SRGN: variants seen among roughly 807,000 people sequenced by gnomAD.
SRGN encodes the protein serglycin.
A neutral mutation model predicts 9.5 loss-of-function variants in SRGN; 2 were observed. The ratio of observed to expected loss-of-function variants is 0.21; its 90% confidence interval spans 0.09 to 0.66. The LOEUF is 0.66. Ranked by LOEUF, SRGN falls within the 30% of genes least tolerant of loss-of-function variation. SRGN has a pLI of 0.83. For missense variants in SRGN, 170 were observed against 192.4 expected, an observed-to-expected ratio of 0.88 and a Z score of 0.69; for synonymous variants, 59 against 72.3, an observed-to-expected ratio of 0.82 and a Z score of 0.93.
At chr10:69,099,309 G>GT (rs59142650) in intron 2 of SRGN, among the ~76,000 whole-genome samples, 74,471 of 138,854 alleles carry the variant, frequency 0.54, 20,969 homozygotes, top group Middle Eastern at 0.72. Context: ...TTTCTCTTTT[G>GT]TTTTTTTTTT....
intron 2 of SRGN, among the ~76,000 whole-genome samples, chr10:69,103,465 C>T (rs979576141): frequency 6.6e-6 from 1 of 152,002 alleles, no homozygotes; most frequent in African/African-American, 2.4e-5. Context: ...ATCACTTGAA[C>T]CTGGGAGGTG....
At chr10:69,099,535 A>G (rs2805914) in intron 2 of SRGN, among the ~76,000 whole-genome samples, 130,002 of 151,776 alleles carry the variant, frequency 0.86, 55,966 homozygotes, top group Non-Finnish European at 0.89. Context: ...GTACTCCTAA[A>G]CTCAAGCAGT....
upstream of SRGN, among the ~76,000 whole-genome samples, chr10:69,087,695 G>T (rs996836058): frequency 1.3e-5 from 2 of 152,096 alleles, no homozygotes; most frequent in African/African-American, 4.8e-5. Flanking sequence ...AAAATGAAGA[G>T]AATGTTTTAT....
intron 1 of SRGN, among the ~76,000 whole-genome samples, chr10:69,091,911 AAAAGAAAAG>A (rs1840069082): frequency 8.5e-6 from 1 of 117,854 alleles, no homozygotes; most frequent in African/African-American, 2.8e-5. Flanking sequence ...AAAAAAAAGA[AAAAGAAAAG>A]AAAAGAAAAA....
intron 1 of SRGN, among the ~76,000 whole-genome samples, chr10:69,088,537 C>T (rs1445160774): frequency 6.6e-6 from 1 of 152,084 alleles, no homozygotes; most frequent in East Asian, 1.9e-4. Context: ...TAGAAAATGA[C>T]TCCTGTGCCT....
At chr10:69,090,260 C>T (rs1227935089) in intron 1 of SRGN, among the ~76,000 whole-genome samples, 1 of 152,152 alleles carries the variant, frequency 6.6e-6, no homozygotes, top group Non-Finnish European at 1.5e-5. Context: ...CAACATTCTT[C>T]CTGTCTTATA....
intron 1 of SRGN, among the ~76,000 whole-genome samples, chr10:69,093,670 G>A (rs1190711808): frequency 1.2e-4 from 19 of 152,168 alleles, no homozygotes; most frequent in Admixed American, 1.2e-3. Flanking sequence ...GAGGTCAGGA[G>A]ATCGAGACCT....
At chr10:69,093,606 G>A (rs995538747) in intron 1 of SRGN, among the ~76,000 whole-genome samples, 11 of 152,190 alleles carry the variant, frequency 7.2e-5, no homozygotes, top group African/African-American at 2.7e-4. Flanking sequence ...GGCCGGGCGC[G>A]GTGGCTCACG....
chr10:69,093,585 G>C (rs1840110790), intron 1 of SRGN, among the ~76,000 whole-genome samples: 1 of 152,134 alleles, frequency 6.6e-6, no homozygotes, highest in Non-Finnish European at 1.5e-5. Flanking sequence ...AAAAGAGAAA[G>C]AGTGAAACCA....
intron 2 of SRGN, among the ~76,000 whole-genome samples, chr10:69,102,706 C>G (rs1393056466): frequency 2.6e-5 from 4 of 152,102 alleles, no homozygotes; most frequent in Admixed American, 6.6e-5. Context: ...CAGAAGGCAG[C>G]CTTACCTTTC....
intron 1 of SRGN, among the ~76,000 whole-genome samples, chr10:69,094,392 G>A (rs1344830225): frequency 1.3e-5 from 2 of 152,108 alleles, no homozygotes; most frequent in Non-Finnish European, 2.9e-5. Flanking sequence ...AGTGTTTAAT[G>A]TTTATGTTTT....
intron 2 of SRGN, among the ~76,000 whole-genome samples, chr10:69,102,353 C>T (rs1840311143): frequency 6.6e-6 from 1 of 152,168 alleles, no homozygotes; most frequent in Non-Finnish European, 1.5e-5. Flanking sequence ...TTCTCTGTGC[C>T]ACCTATGATT....
At chr10:69,100,127 C>A (rs1236361086) in intron 2 of SRGN, among the ~76,000 whole-genome samples, 3 of 152,148 alleles carry the variant, frequency 2.0e-5, no homozygotes, top group Non-Finnish European at 4.4e-5. Context: ...CCGAGGCAGG[C>A]AGACTGGGAG....
chr10:69,089,286 G>A (rs888513702), intron 1 of SRGN, among the ~76,000 whole-genome samples: 1 of 152,158 alleles, frequency 6.6e-6, no homozygotes, highest in Non-Finnish European at 1.5e-5. Context: ...TTTCTGGAAC[G>A]TTATTAATTT....
At chr10:69,090,229 G>A (rs1017211301) in intron 1 of SRGN, among the ~76,000 whole-genome samples, 1 of 152,144 alleles carries the variant, frequency 6.6e-6, no homozygotes, top group Non-Finnish European at 1.5e-5. Context: ...ACACCTCCAC[G>A]CAATGCCAGA....
At chr10:69,095,895 C>A (rs1006508845) in intron 1 of SRGN, among the ~76,000 whole-genome samples, 1 of 148,158 alleles carries the variant, frequency 6.7e-6, no homozygotes, top group African/African-American at 2.5e-5. Flanking sequence ...CTGGGCGACA[C>A]AGCAAGACTC....
chr10:69,103,840 G>C (rs533226498), intron 2 of SRGN, 31 bp from the exon 3 acceptor site: 2 of 1,606,572 alleles, frequency 1.2e-6, no homozygotes, highest in East Asian at 2.2e-5. Flanking sequence ...AACTCCACTG[G>C]TTTTTTTCCC....
Position 69,104,142 on chromosome 10 carries a change from C to T in SRGN, c.*22C>T, listed in dbSNP as rs148868874. 288 of 1,608,942 alleles carry T rather than the reference C, an allele frequency of 1.8e-4. 2 individuals carry two copies. In the Middle Eastern group the frequency reaches 0.01, roughly 56 times the overall value. The stretch of plus-strand genomic sequence containing the variant: ...ATAAAAGAGGATTTTCCCACCTTGA[C>T]ACCAGGCAATGTAGTTAGCATATTT... On this transcript the variant is annotated 3_prime_UTR_variant, in exon 3 of 3. Coordinates refer to ENST00000242465, the MANE Select transcript of SRGN (RefSeq NM_002727.4).
intron 2 of SRGN, among the ~76,000 whole-genome samples, chr10:69,097,489 C>T (rs1346651527): frequency 7.0e-6 from 1 of 143,236 alleles, no homozygotes; most frequent in African/African-American, 2.6e-5. Context: ...TGCAGTGGCG[C>T]AATCTCGGCT....
Sources: gnomAD v4.1 joint callset for allele counts (sites outside exome capture counted in the v4.1 genomes callset) on GRCh38, gnomAD v4.1.1 for gene constraint, MANE v1.5 for transcripts, NCBI Gene and HGNC (gene_info 2026-07-23, HGNC 2026-07-21) for gene names.